The following MTUS2 variants were observed in gnomAD, a reference collection of about 807,000 sequenced individuals.
MTUS2 encodes the protein microtubule-associated tumor suppressor candidate 2.
MTUS2 carries 40 observed loss-of-function variants against 114.1 expected under a neutral mutation model. The observed-to-expected ratio is 0.35, with a 90% CI of 0.27 to 0.46. The LOEUF is 0.46. MTUS2 is among the 20% of genes least tolerant of loss of function. The pLI is 1.00. For synonymous variants in MTUS2, 688 were observed against 672.0 expected, an observed-to-expected ratio of 1.02 and a Z score of -0.37; for missense variants, 1,679 against 1,705.4, an observed-to-expected ratio of 0.98 and a Z score of 0.27.
chr13:29,063,767 A>G (rs1402940416), intron 4 of MTUS2, among the ~76,000 whole-genome samples: 4 of 152,234 alleles, frequency 2.6e-5, no homozygotes, highest in African/African-American at 7.2e-5. Context: ...TCTGCTCAGT[A>G]TTTCTGGTAT....
At chr13:28,982,718 C>T (rs1370551824) in intron 2 of MTUS2, among the ~76,000 whole-genome samples, 1 of 152,146 alleles carries the variant, frequency 6.6e-6, no homozygotes, top group Non-Finnish European at 1.5e-5. Context: ...CTGACACGTG[C>T]TACAACATGG....
At chr13:29,238,901 A>G (rs1353313224) in intron 5 of MTUS2, among the ~76,000 whole-genome samples, 4 of 152,210 alleles carry the variant, frequency 2.6e-5, no homozygotes, top group East Asian at 1.9e-4. Context: ...AAATCCATCA[A>G]AGTCAAACTC....
chr13:29,084,129 G>A (rs767243715), intron 4 of MTUS2, among the ~76,000 whole-genome samples: 4 of 152,056 alleles, frequency 2.6e-5, no homozygotes, highest in Admixed American at 1.3e-4. Flanking sequence ...CAGTGTTAAG[G>A]CCATGAAGAT....
intron 5 of MTUS2, among the ~76,000 whole-genome samples, chr13:29,258,894 C>A (rs1379625193): frequency 6.6e-6 from 1 of 152,210 alleles, no homozygotes; most frequent in Non-Finnish European, 1.5e-5. Context: ...AAAGCCACCA[C>A]CACTTAGTCA....
intron 6 of MTUS2, chr13:29,307,592 G>A: frequency 1.7e-6 from 2 of 1,194,806 alleles, no homozygotes; most frequent in Non-Finnish European, 2.5e-6. Context: ...CCCCTCAAGG[G>A]CATCCTGGGC....
At chr13:29,195,352 C>G (rs1245076302) in intron 5 of MTUS2, among the ~76,000 whole-genome samples, 1 of 151,670 alleles carries the variant, frequency 6.6e-6, no homozygotes, top group Admixed American at 6.6e-5. Context: ...AATTCTATTT[C>G]CTAAATGACA....
At chr13:29,458,618 A>G (rs1288587219) in intron 9 of MTUS2, among the ~76,000 whole-genome samples, 1 of 151,076 alleles carries the variant, frequency 6.6e-6, no homozygotes, top group Non-Finnish European at 1.5e-5. Context: ...CCTATAAACC[A>G]CTCTCTCCCA....
chr13:28,855,423 A>G (rs1007771260), intron 2 of MTUS2, among the ~76,000 whole-genome samples: 3 of 151,868 alleles, frequency 2.0e-5, no homozygotes, highest in African/African-American at 7.3e-5. Context: ...CCCTCCCCCT[A>G]GACTGCCCCA....
intron 5 of MTUS2, among the ~76,000 whole-genome samples, chr13:29,202,502 T>A (rs1225683635): frequency 6.6e-6 from 1 of 152,142 alleles, no homozygotes; most frequent in Non-Finnish European, 1.5e-5. Context: ...TGAAGCCTCC[T>A]TCTGTTGGTT....
Position 29,497,235 on chromosome 13 carries a change from C to T in MTUS2, c.3580-3C>T, listed in dbSNP as rs1882609153. 3 of 1,611,832 alleles carry T rather than the reference C, an allele frequency of 1.9e-6. No homozygotes were observed. The highest frequency in any genetic ancestry group is 4.5e-5 in the East Asian group (2 of 44,864). On this transcript the variant is annotated splice_region_variant and splice_polypyrimidine_tract_variant and intron_variant, in intron 12 of 15. Transcript: ENST00000612955. ...GCTGGACTCCTTGTATCATTACTTG[C>T]AGGACCAGGTGGACACGCTGACCTT...
At chr13:29,181,915 A>G in intron 5 of MTUS2, among the ~76,000 whole-genome samples, 1 of 152,114 alleles carries the variant, frequency 6.6e-6, no homozygotes, top group East Asian at 1.9e-4. Context: ...GTATGGTTAA[A>G]TATTCCTAAG....
At chr13:28,943,237 G>A (rs1713716511) in intron 2 of MTUS2, among the ~76,000 whole-genome samples, 1 of 152,146 alleles carries the variant, frequency 6.6e-6, no homozygotes, top group African/African-American at 2.4e-5. Context: ...AATGTGCCCA[G>A]CATAGTCTTC....
Position 29,505,461 on chromosome 13 carries a change from TTG to T in MTUS2, c.*2257_*2258del, listed in dbSNP as rs201103480. The T allele has an allele frequency of 1.0e-3, 191 of 191,692 alleles. No homozygotes were observed. Among genetic ancestry groups the T allele is most frequent in the East Asian group, 2.1e-3 (25 of 12,124 alleles). The allele number at this position is 191,692 out of a possible 1,614,324, so 11.9% of individuals were successfully genotyped here. A position where few individuals can be genotyped will look rare whatever the true frequency, so the allele number is the denominator to read the frequency against. ...ACGTGGCCCTGGCTTCGTGGTTTGT[TTG>T]TTTTTTTTCTTTTGTTACGGACACC... On this transcript the variant is annotated 3_prime_UTR_variant, in exon 16 of 16. Transcript: ENST00000612955.
intron 2 of MTUS2, among the ~76,000 whole-genome samples, chr13:28,925,976 GTAA>G (rs1386222092): frequency 6.6e-6 from 1 of 152,172 alleles, no homozygotes; most frequent in Admixed American, 6.5e-5. Flanking sequence ...CCCTGTCCTA[GTAA>G]TAAAAATGCT....
chr13:29,480,294 C>G lies in MTUS2; in HGVS notation c.3329C>G (p.Ala1110Gly). ...LEERLQLQFE[A>G]EMARLQEEHG... is the part of the protein sequence containing the mutation. ...GAGCGGCTGCAGCTGCAATTCGAGG[C>G]GGAAATGGCGCGCCTGCAGGAGGAG... The change falls in exon 10 of 16, where the codon GCG (alanine) becomes GGG (glycine). Residue 1110 changes from alanine (A) to glycine (G), a missense_variant. By Grantham distance (60) the Ala-to-Gly change is moderately conservative. Transcript: ENST00000612955. The surrounding 1 kb of genome is among the most constrained non-coding windows in gnomAD (Gnocchi z 4.4). 6.4e-7 allele frequency: 1 copy of G among 1,555,388 alleles called. No homozygotes were observed. Among genetic ancestry groups the G allele is most frequent in the East Asian group, 2.4e-5 (1 of 41,430 alleles).
chr13:29,157,980 A>G (rs1169205527), intron 5 of MTUS2, among the ~76,000 whole-genome samples: 1 of 152,208 alleles, frequency 6.6e-6, no homozygotes, highest in African/African-American at 2.4e-5. Context: ...CTAAAGAAAT[A>G]TGGAAAATCA....
At chr13:29,396,677 T>C (rs1334361284) in intron 8 of MTUS2, among the ~76,000 whole-genome samples, 2 of 152,224 alleles carry the variant, frequency 1.3e-5, no homozygotes, top group African/African-American at 2.4e-5. Context: ...TGTAACTGCA[T>C]GTCTGCAATT....
intron 5 of MTUS2, among the ~76,000 whole-genome samples, chr13:29,279,327 C>T (rs567551472): frequency 4.1e-4 from 63 of 152,216 alleles, no homozygotes; most frequent in African/African-American, 1.3e-3. Context: ...CTGGGTTGTT[C>T]AGGCTGGAGT....
chr13:29,029,347 G>A (rs890436916), intron 3 of MTUS2, among the ~76,000 whole-genome samples: 1 of 152,216 alleles, frequency 6.6e-6, no homozygotes, highest in Non-Finnish European at 1.5e-5. Flanking sequence ...CTGGCTAGAG[G>A]ACACTTGAGT....
Sources: allele counts gnomAD v4.1 joint callset (sites outside exome capture counted in the v4.1 genomes callset), GRCh38; gene constraint gnomAD v4.1.1; non-coding constraint Gnocchi (gnomAD v3.1); transcripts MANE v1.5; gene names NCBI Gene and HGNC (gene_info 2026-07-23, HGNC 2026-07-21).